Variants in BSN observed in about 807,000 individuals in gnomAD.
The protein encoded by BSN is protein bassoon.
BSN carries 57 observed loss-of-function variants against 264.8 expected under a neutral mutation model. The ratio of observed to expected loss-of-function variants is 0.22; its 90% CI spans 0.17 to 0.27. The LOEUF (loss-of-function observed/expected upper bound fraction) is 0.27. Among genes scored for constraint, BSN ranks in the 10% least tolerant of loss-of-function variants. BSN has a pLI of 1.00. For synonymous variants in BSN, 2,059 were observed against 2,137.3 expected, an observed-to-expected ratio of 0.96 and a Z score of 1.01; for missense variants, 4,615 against 5,232.5, an observed-to-expected ratio of 0.88 and a Z score of 3.64.
chr3:49,611,908 C>T (rs530048736), intron 1 of BSN, among the ~76,000 whole-genome samples: 119 of 152,298 alleles, frequency 7.8e-4, no homozygotes, highest in African/African-American at 2.7e-3. Context: ...ATCTGCCTGC[C>T]TTCTCTTCCC....
chr3:49,573,840 A>G (rs1050323961), intron 1 of BSN, among the ~76,000 whole-genome samples: 3 of 152,000 alleles, frequency 2.0e-5, no homozygotes, highest in Non-Finnish European at 4.4e-5. Flanking sequence ...TATTTTTAGT[A>G]GAAACGGGGT....
chr3:49,575,394 G>GTGTGTATATATATGTAAATATATATA (rs1214602915), intron 1 of BSN, among the ~76,000 whole-genome samples: 61 of 147,710 alleles, frequency 4.1e-4, no homozygotes, highest in Admixed American at 1.1e-3. Flanking sequence ...AAATATATAT[G>GTGTGTATATATATGTAAATATATATA]TGTGTATATA....
chr3:49,642,434 G>C lies in BSN; in HGVS notation c.800G>C (p.Arg267Pro), dbSNP rs746661090. ...GGGAAGCCAGACCAAGAGAGATCTC[G>C]GGGCCCAGGAGGACCACAGCCTGGG... ...PLGKPDQERS[R>P]GPGGPQPGSR... Residue 267 changes from arginine (R) to proline (P), a missense_variant, in exon 3 of 12, where the codon CGG becomes CCG. By Grantham distance (103) the Arg-to-Pro change is moderately radical (BLOSUM62 -2). Around this residue, in one of 3 missense-constraint regions of BSN, gnomAD observed 1,197 missense variants for 1,348.0 expected, o/e 0.89. Transcript: ENST00000296452. The surrounding 1 kb of genome is among the most constrained non-coding windows in gnomAD (Gnocchi z 7.0). 6.3e-7 allele frequency: 1 copy of C among 1,599,090 alleles called. No individual in the cohort carries two copies. The highest frequency in any genetic ancestry group is 8.5e-7 in the Non-Finnish European group (1 of 1,173,236).
chr3:49,645,073 G>C (rs1457034971), intron 3 of BSN, among the ~76,000 whole-genome samples: 1 of 152,092 alleles, frequency 6.6e-6, no homozygotes, highest in Admixed American at 6.5e-5. Context: ...ATTTCCTGCT[G>C]TCTCCATGTC....
Position 49,656,912 on chromosome 3 carries a change from G to A in BSN, c.7356G>A (p.Leu2452=). 1 of 1,600,118 alleles carries A rather than the reference G, an allele frequency of 6.2e-7. No individual in the cohort carries two copies. The highest frequency in any genetic ancestry group is 8.5e-7 in the Non-Finnish European group (1 of 1,172,786). ...AGCTAGCGCAGCAGCGTCTGCAGCTGGAGCAGATCCAGCAGCTGCAGCAGC... is the reference window on the plus strand; with the variant it reads ...AGCTAGCGCAGCAGCGTCTGCAGCTAGAGCAGATCCAGCAGCTGCAGCAGC... ...REQLAQQRLQ[L]EQIQQLQQQL... Residue 2452 remains leucine, a synonymous_variant, in exon 5 of 12, where the codon CTG becomes CTA. Transcript: ENST00000296452.
chr3:49,635,026 T>C (rs2052410494), intron 2 of BSN, among the ~76,000 whole-genome samples: 1 of 151,994 alleles, frequency 6.6e-6, no homozygotes, highest in Non-Finnish European at 1.5e-5. Flanking sequence ...CGAAGAGCCA[T>C]GATAGATTCC....
In BSN at chr3:49,652,342, G is replaced by A; in HGVS notation, c.2786G>A (p.Arg929His). 6 of 1,603,094 alleles carry A rather than the reference G, an allele frequency of 3.7e-6. No individual in the cohort carries two copies. The highest frequency in any genetic ancestry group is 5.1e-6 in the Non-Finnish European group (6 of 1,174,098). The change falls in exon 5 of 12, where the codon CGT becomes CAT. Residue 929 changes from arginine (R) to histidine (H), a missense_variant. Arg to His is a conservative substitution (Grantham distance 29). Around this residue, in one of 3 missense-constraint regions of BSN, gnomAD observed 1,197 missense variants for 1,348.0 expected, o/e 0.89. Transcript: ENST00000296452. ...DGSGTLQGGL[R>H]RFKTIELNST... is the part of the protein sequence containing the mutation. ...AGTGGGACCCTGCAGGGTGGGCTCCGTCGCTTCAAGACCATTGAGCTCAAC... is the reference window on the plus strand; with the variant it reads ...AGTGGGACCCTGCAGGGTGGGCTCCATCGCTTCAAGACCATTGAGCTCAAC...
chr3:49,560,690 G>A (rs1285927650), intron 1 of BSN, among the ~76,000 whole-genome samples: 2 of 152,172 alleles, frequency 1.3e-5, no homozygotes, highest in African/African-American at 4.8e-5. Context: ...GCACTTGCCC[G>A]AGCTCCTTTT....
At chr3:49,665,125 C>T (rs2052702800) in intron 10 of BSN, 104 bp from the exon 11 acceptor site, 1 of 376,852 alleles carries the variant, frequency 2.7e-6, no homozygotes, top group African/African-American at 2.1e-5. Context: ...TTCAAACCAT[C>T]TGCCATCCCC....
At chr3:49,601,476 G>A (rs957690122) in intron 1 of BSN, among the ~76,000 whole-genome samples, 2 of 152,174 alleles carry the variant, frequency 1.3e-5, no homozygotes, top group African/African-American at 2.4e-5. Flanking sequence ...ATAAGAGCAT[G>A]GCTTCTTTGA....
chr3:49,577,754 G>A (rs751703190), intron 1 of BSN, among the ~76,000 whole-genome samples: 5 of 151,864 alleles, frequency 3.3e-5, no homozygotes, highest in Non-Finnish European at 7.4e-5. Context: ...TGCCCAGGCT[G>A]GTCTCAAACT....
At chr3:49,596,829 T>G (rs1310886025) in intron 1 of BSN, among the ~76,000 whole-genome samples, 5 of 152,196 alleles carry the variant, frequency 3.3e-5, no homozygotes, top group Non-Finnish European at 5.9e-5. Flanking sequence ...CCTGGATTGC[T>G]GAAACTTTTT....
At chr3:49,632,461 A>C (rs1027161068) in intron 2 of BSN, among the ~76,000 whole-genome samples, 1 of 152,198 alleles carries the variant, frequency 6.6e-6, no homozygotes, top group African/African-American at 2.4e-5. Context: ...ATATACAGAG[A>C]AGTCTTACAA....
At position 49,650,793 on chromosome 3, in the gene BSN, C is replaced by G; in HGVS notation, c.1700C>G (p.Pro567Arg). Residue 567 changes from proline (P) to arginine (R), a missense_variant, in exon 4 of 12, where the codon CCC becomes CGC. This residue lies in a region of BSN where 1,197 missense variants were observed against 1,348.0 expected (regional missense o/e 0.89). Transcript: ENST00000296452. Reference sequence around the variant, plus strand: ...CAGGGGCTGGGCCAGCCTTCAGGCCCCCTGCCTGCCAAGGCCAGCCCTCTA... The same window carrying G: ...CAGGGGCTGGGCCAGCCTTCAGGCCGCCTGCCTGCCAAGGCCAGCCCTCTA... The part of the protein sequence containing the change: ...GPQGLGQPSG[P>R]LPAKASPLST... 6.2e-7 allele frequency: 1 copy of G among 1,613,968 alleles called. No homozygotes were observed. Among genetic ancestry groups the G allele is most frequent in the Non-Finnish European group, 8.5e-7 (1 of 1,179,968 alleles).
intron 1 of BSN, among the ~76,000 whole-genome samples, chr3:49,623,164 T>C (rs2052317815): frequency 6.6e-6 from 1 of 152,126 alleles, no homozygotes; most frequent in African/African-American, 2.4e-5. Context: ...GGCTCTTAAA[T>C]CTTTTTGGCA....
Position 49,651,271 on chromosome 3 carries a change from G to C in BSN, c.1986+192G>C, listed in dbSNP as rs959228436. 1.5e-6 allele frequency: 1 copy of C among 652,688 alleles called. No homozygotes were observed. The highest frequency in any genetic ancestry group is 1.8e-5 in the African/African-American group (1 of 54,880). The allele number at this position is 652,688 out of a possible 1,614,324, so 40.4% of individuals were successfully genotyped here. On this transcript the variant is annotated intron_variant, in intron 4 of 11. Transcript: ENST00000296452. The surrounding 1 kb of genome is among the most constrained non-coding windows in gnomAD (Gnocchi z 5.4). ...CTTGGAGACTGTGGGTTTTACACTG[G>C]TGCTGTGTCTGGCACCTTGTCAGAT...
chr3:49,574,903 G>T (rs1046210189), intron 1 of BSN, among the ~76,000 whole-genome samples: 2 of 151,694 alleles, frequency 1.3e-5, no homozygotes, highest in African/African-American at 4.8e-5. Flanking sequence ...CTCCCAAAAT[G>T]CTGGGATTAC....
intron 2 of BSN, among the ~76,000 whole-genome samples, chr3:49,628,839 C>T (rs2052363103): frequency 6.6e-6 from 1 of 152,092 alleles, no homozygotes; most frequent in Non-Finnish European, 1.5e-5. Flanking sequence ...TTTTCCCCAT[C>T]CATAGTCCAT....
At position 49,654,018 on chromosome 3, in the gene BSN, A is replaced by G. The variant is rs764059119; in HGVS notation, c.4462A>G (p.Ser1488Gly). The G allele has an allele frequency of 2.6e-5, 42 of 1,613,576 alleles. No individual in the cohort carries two copies. Among genetic ancestry groups the G allele is most frequent in the Non-Finnish European group, 3.3e-5 (39 of 1,179,934 alleles). Residue 1488 changes from serine (S) to glycine (G), a missense_variant, in exon 5 of 12, where the codon AGT becomes GGT. Ser to Gly is a moderately conservative substitution (Grantham distance 56). Around this residue, in one of 3 missense-constraint regions of BSN, gnomAD observed 3,415 missense variants for 3,866.4 expected, o/e 0.88. Coordinates refer to ENST00000296452, the MANE Select transcript of BSN (RefSeq NM_003458.4). This position sits in a 1 kb window ranked among gnomAD's most constrained non-coding sequence, Gnocchi z 4.1. Reference sequence around the variant, plus strand: ...TCTCTCCCCGTCTTCCCCCTCAGAGAGTCCCACATTCTCCCCTGGCAAGAT... The same window carrying G: ...TCTCTCCCCGTCTTCCCCCTCAGAGGGTCCCACATTCTCCCCTGGCAAGAT... ...PPLSPSSPSE[S>G]PTFSPGKMGP...
Sources: allele counts gnomAD v4.1 joint callset (sites outside exome capture counted in the v4.1 genomes callset), GRCh38; gene constraint gnomAD v4.1.1; regional missense constraint gnomAD v4.1.1; non-coding constraint Gnocchi (gnomAD v3.1); transcripts MANE v1.5; gene names NCBI Gene and HGNC (gene_info 2026-07-23, HGNC 2026-07-21).